Variants in RMDN2 observed in about 807,000 individuals in gnomAD.
RMDN2 encodes the protein regulator of microtubule dynamics protein 2.
Under a neutral mutation model 52.8 loss-of-function variants are expected in RMDN2, and 61 were observed. That is an observed-to-expected ratio of 1.16 (90% CI 0.94 to 1.43). RMDN2 has a LOEUF of 1.43. RMDN2 is among the 40% of genes most tolerant of loss of function. The pLI is 0.00. For synonymous variants in RMDN2, 180 were observed against 153.1 expected, an observed-to-expected ratio of 1.18 and a Z score of -1.30; for missense variants, 592 against 475.3, an observed-to-expected ratio of 1.25 and a Z score of -2.28.
chr2:38,007,704 C>G (rs761763236), intron 10 of RMDN2, among the ~76,000 whole-genome samples: 6 of 152,018 alleles, frequency 3.9e-5, no homozygotes, highest in Non-Finnish European at 5.9e-5. Flanking sequence ...TCTCTGTTTC[C>G]TTCAGTTCTG....
At chr2:38,035,369 T>A (rs573699496) in intron 10 of RMDN2, among the ~76,000 whole-genome samples, 1 of 152,296 alleles carries the variant, frequency 6.6e-6, no homozygotes, top group Non-Finnish European at 1.5e-5. Context: ...AATTATCCAA[T>A]ATCCTTCAAT....
intron 10 of RMDN2, among the ~76,000 whole-genome samples, chr2:38,032,177 G>A (rs546208561): frequency 2.2e-4 from 34 of 152,136 alleles, no homozygotes; most frequent in Admixed American, 1.0e-3. Flanking sequence ...TAACACCAGC[G>A]TAACCCCTAC....
intron 10 of RMDN2, among the ~76,000 whole-genome samples, chr2:38,061,942 C>G (rs1455284174): frequency 6.6e-6 from 1 of 152,238 alleles, no homozygotes; most frequent in Non-Finnish European, 1.5e-5. Flanking sequence ...CCTGCAAGGA[C>G]TTCAGCACAG....
intron 2 of RMDN2, chr2:37,951,938 A>G: frequency 6.2e-7 from 1 of 1,613,504 alleles, no homozygotes; most frequent in Non-Finnish European, 8.5e-7. Context: ...GGGGCCAATT[A>G]TGTAAAGATT....
chr2:38,055,264 G>A (rs1681815518), intron 10 of RMDN2, among the ~76,000 whole-genome samples: 1 of 151,632 alleles, frequency 6.6e-6, no homozygotes, highest in Non-Finnish European at 1.5e-5. Flanking sequence ...GCACTTGCCT[G>A]TTTTAATTCC....
downstream of RMDN2, among the ~76,000 whole-genome samples, chr2:38,020,651 C>A (rs934208087): frequency 1.3e-5 from 2 of 152,210 alleles, no homozygotes; most frequent in South Asian, 4.1e-4. Context: ...GGCTTAGCAC[C>A]CAGGCCAGCG....
chr2:37,991,736 T>A (rs1674822742), intron 7 of RMDN2, among the ~76,000 whole-genome samples: 2 of 152,148 alleles, frequency 1.3e-5, no homozygotes, highest in African/African-American at 4.8e-5. Flanking sequence ...TCCAGTAGTG[T>A]ATACTGAGCA....
intron 5 of RMDN2, among the ~76,000 whole-genome samples, chr2:37,986,164 T>C (rs1367650078): frequency 6.6e-6 from 1 of 152,190 alleles, no homozygotes; most frequent in African/African-American, 2.4e-5. Context: ...GGTAGTCATA[T>C]TGAATTTGGA....
chr2:37,985,851 G>A lies in RMDN2; in HGVS notation c.792-3690G>A, dbSNP rs148350556. Among the ~76,000 whole-genome samples, 879 of 152,146 alleles carry A rather than the reference G, an allele frequency of 5.8e-3. 9 individuals are homozygous for A. Among genetic ancestry groups the A allele is most frequent in the African/African-American group, 0.02 (823 of 41,512 alleles). The stretch of plus-strand genomic sequence containing the variant: ...CTAAGGATAATAGGGAAATATGATA[G>A]AAATTTGAATAAAATATAGATTTTA... On this transcript the variant is annotated intron_variant, in intron 5 of 10. Coordinates refer to ENST00000354545, the MANE Select transcript of RMDN2 (RefSeq NM_001170791.3).
intron 10 of RMDN2, among the ~76,000 whole-genome samples, chr2:38,044,950 T>A (rs984069368): frequency 6.6e-5 from 10 of 152,148 alleles, no homozygotes; most frequent in Non-Finnish European, 8.8e-5. Flanking sequence ...CAAATTTGTG[T>A]AGTAAGAGCT....
intron 10 of RMDN2, chr2:38,036,033 A>G (rs1482961393): frequency 2.0e-5 from 3 of 152,216 alleles, no homozygotes; most frequent in Admixed American, 2.0e-4. Context: ...AGTAGAAAAA[A>G]AAAAAGATAA....
chr2:37,960,236 A>G (rs1385565915), intron 2 of RMDN2, among the ~76,000 whole-genome samples: 1 of 152,036 alleles, frequency 6.6e-6, no homozygotes, highest in African/African-American at 2.4e-5. Flanking sequence ...AACATTGACA[A>G]TGGGGTTTTA....
At chr2:38,062,778 C>CT (rs1682107988) in intron 10 of RMDN2, among the ~76,000 whole-genome samples, 1 of 120,988 alleles carries the variant, frequency 8.3e-6, no homozygotes, top group South Asian at 3.8e-4. Context: ...TTCCCCCCCC[C>CT]CACAACAGTC....
chr2:38,040,534 A>G (rs1209624864), intron 10 of RMDN2, among the ~76,000 whole-genome samples: 1 of 152,212 alleles, frequency 6.6e-6, no homozygotes, highest in African/African-American at 2.4e-5. Context: ...CTGCTGGTAC[A>G]TTGATCTTGG....
intron 7 of RMDN2, among the ~76,000 whole-genome samples, chr2:37,994,541 T>G (rs1262044908): frequency 6.6e-6 from 1 of 152,192 alleles, no homozygotes; most frequent in Non-Finnish European, 1.5e-5. Context: ...AGATCACATT[T>G]CAATTACTTA....
In RMDN2 at chr2:37,989,530, G is replaced by A. The variant is rs1674477961; in HGVS notation, c.792-11G>A. The A allele has an allele frequency of 6.2e-7, 1 of 1,601,686 alleles. No homozygotes were observed. ...GTGGCCACTGTTTTTGTCTGTTTTT[G>A]TCCTTTTCAGGTATGCAGTTTTGTG... is the stretch of plus-strand genomic sequence containing the variant. On this transcript the variant is annotated splice_polypyrimidine_tract_variant and intron_variant, in intron 5 of 10. Transcript: ENST00000354545.
rs951736507 is a variant in RMDN2, at chr2:37,975,831, G to C, written c.730+517G>C. Among the ~76,000 whole-genome samples the C allele has an allele frequency of 5.9e-5, 9 of 152,058 alleles. No homozygotes were observed. The East Asian group carries it at 9.6e-4, about 16-fold the overall frequency. ...AAATGTACACTCTCAGAACAGAAAG[G>C]CATTTTAGGGCTAAAGTATATGTTC... On this transcript the variant is annotated intron_variant, in intron 4 of 10. Transcript: ENST00000354545.
chr2:37,972,453 G>A (rs1441178041), intron 2 of RMDN2, among the ~76,000 whole-genome samples: 1 of 152,178 alleles, frequency 6.6e-6, no homozygotes, highest in African/African-American at 2.4e-5. Flanking sequence ...CTGGAATGCT[G>A]TGAGCAAGCA....
At chr2:37,927,039 A>G (rs955996511) in intron 1 of RMDN2, among the ~76,000 whole-genome samples, 5 of 152,220 alleles carry the variant, frequency 3.3e-5, no homozygotes, top group Admixed American at 1.3e-4. Flanking sequence ...TCATTTTTCA[A>G]ATTATCAGTG....
Sources: allele counts gnomAD v4.1 joint callset (sites outside exome capture counted in the v4.1 genomes callset), GRCh38; gene constraint gnomAD v4.1.1; transcripts MANE v1.5; gene names NCBI Gene and HGNC (gene_info 2026-07-23, HGNC 2026-07-21).